BAZ1A: variants seen among roughly 807,000 people sequenced by gnomAD.
The protein encoded by BAZ1A is bromodomain adjacent to zinc finger domain protein 1A.
In BAZ1A, 50 loss-of-function variants were observed where a neutral mutation model predicts 185.2. The observed-to-expected ratio is 0.27, with a 90% CI of 0.22 to 0.34. BAZ1A has a LOEUF of 0.34. Among genes scored for constraint, BAZ1A ranks in the 10% least tolerant of loss-of-function variants. The probability of loss-of-function intolerance (pLI) is 1.00; values close to 1 mark genes in which losing one functional copy is unlikely to be tolerated. For missense variants in BAZ1A, 1,356 were observed against 1,839.9 expected, an observed-to-expected ratio of 0.74 and a Z score of 4.81; for synonymous variants, 571 against 615.6, an observed-to-expected ratio of 0.93 and a Z score of 1.07.
intron 2 of BAZ1A, among the ~76,000 whole-genome samples, chr14:34,866,783 A>G (rs1036388274): frequency 2.0e-5 from 3 of 152,088 alleles, no homozygotes; most frequent in Non-Finnish European, 4.4e-5. Context: ...CTTATACTTT[A>G]GTCTGTAAGC....
intron 3 of BAZ1A, among the ~76,000 whole-genome samples, chr14:34,832,288 G>A (rs972082501): frequency 2.0e-5 from 3 of 148,152 alleles, no homozygotes; most frequent in African/African-American, 7.4e-5. Flanking sequence ...CTTCACTGGG[G>A]AATTCTATTC....
intron 9 of BAZ1A, among the ~76,000 whole-genome samples, chr14:34,799,408 G>T (rs1477405485): frequency 2.0e-5 from 3 of 152,018 alleles, no homozygotes; most frequent in African/African-American, 7.2e-5. Flanking sequence ...CAAGGGAGAC[G>T]ATAGACAACT....
chr14:34,863,737 T>C (rs1454963255), intron 2 of BAZ1A, among the ~76,000 whole-genome samples: 1 of 152,202 alleles, frequency 6.6e-6, no homozygotes, highest in Admixed American at 6.5e-5. Context: ...CAAAAATGTA[T>C]GTACTTATAT....
At chr14:34,825,983 A>G in intron 4 of BAZ1A, 30 bp downstream of exon 4, 1 of 1,503,050 alleles carries the variant, frequency 6.7e-7, no homozygotes, top group Non-Finnish European at 8.9e-7. Context: ...AATCTGCCAA[A>G]TAATTTAAAA....
chr14:34,757,523 G>A (rs1421563928), intron 25 of BAZ1A, among the ~76,000 whole-genome samples: 2 of 151,552 alleles, frequency 1.3e-5, no homozygotes, highest in African/African-American at 4.8e-5. Flanking sequence ...AAATTAGCCA[G>A]GTGTGGTGGC....
At chr14:34,865,864 T>C (rs2042849857) in intron 2 of BAZ1A, among the ~76,000 whole-genome samples, 2 of 152,260 alleles carry the variant, frequency 1.3e-5, no homozygotes, top group South Asian at 2.1e-4. Context: ...AAAATACTAT[T>C]AGAACTTTTT....
At chr14:34,759,184 T>TTTGTTTTGTTTTG (rs1555336961) in intron 24 of BAZ1A, among the ~76,000 whole-genome samples, 1 of 108,028 alleles carries the variant, frequency 9.3e-6, no homozygotes, top group South Asian at 3.7e-4. Context: ...TTTTTTTTTT[T>TTTGTTTTGTTTTG]TTTTTTTTTT....
intron 3 of BAZ1A, among the ~76,000 whole-genome samples, chr14:34,833,529 C>T (rs2042284053): frequency 6.6e-6 from 1 of 151,674 alleles, no homozygotes. Flanking sequence ...CTCCATCTCA[C>T]AAAACAAAAC....
At chr14:34,853,974 A>C (rs1488824901) in intron 3 of BAZ1A, among the ~76,000 whole-genome samples, 1 of 152,268 alleles carries the variant, frequency 6.6e-6, no homozygotes, top group African/African-American at 2.4e-5. Context: ...TAACTTGCCA[A>C]AAAGTTATAC....
At chr14:34,784,907 A>C (rs1880334179) in intron 14 of BAZ1A, among the ~76,000 whole-genome samples, 1 of 152,026 alleles carries the variant, frequency 6.6e-6, no homozygotes, top group Non-Finnish European at 1.5e-5. Flanking sequence ...CCCAGGCTGG[A>C]GTACAGTGGC....
intron 2 of BAZ1A, among the ~76,000 whole-genome samples, chr14:34,869,110 G>A (rs2042911779): frequency 6.6e-6 from 1 of 151,880 alleles, no homozygotes; most frequent in South Asian, 2.1e-4. Context: ...GGGAGGCTGA[G>A]GCAGGAGAAT....
Position 34,761,768 on chromosome 14 carries a change from CTT to C in BAZ1A, c.4230_4231del (p.Arg1411ThrfsTer23). On this transcript the variant is annotated frameshift_variant, in exon 24 of 27. Transcript: ENST00000360310. LOFTEE classifies it high-confidence loss of function. ...AGATTTCTTCATACCTGGAGATTGT[CTT>C]TTTCTGCATCTTCTTTTGGATTCAC... 5.0e-6 allele frequency: 8 copies of C among 1,611,012 alleles called. No individual in the cohort carries two copies. Among genetic ancestry groups the C allele is most frequent in the Non-Finnish European group, 6.8e-6 (8 of 1,177,842 alleles).
At chr14:34,779,932 C>A (rs1879927570) in intron 17 of BAZ1A, among the ~76,000 whole-genome samples, 1 of 152,100 alleles carries the variant, frequency 6.6e-6, no homozygotes, top group South Asian at 2.1e-4. Context: ...CTATTAACGA[C>A]ATAGGAATAT....
At chr14:34,759,338 G>A (rs917755576) in intron 24 of BAZ1A, among the ~76,000 whole-genome samples, 8 of 151,438 alleles carry the variant, frequency 5.3e-5, no homozygotes, top group African/African-American at 1.5e-4. Flanking sequence ...CCGCCACGGC[G>A]CCCGGCTAAT....
chr14:34,778,399 T>C (rs936230223), intron 17 of BAZ1A, among the ~76,000 whole-genome samples: 3 of 152,270 alleles, frequency 2.0e-5, no homozygotes, highest in Non-Finnish European at 4.4e-5. Context: ...TTTCAGTTAC[T>C]GTCAAATTGC....
At chr14:34,814,575 C>A (rs751030875) in intron 4 of BAZ1A, among the ~76,000 whole-genome samples, 5 of 151,798 alleles carry the variant, frequency 3.3e-5, no homozygotes, top group Non-Finnish European at 7.4e-5. Context: ...CTCAAGTGAT[C>A]CTCCTATCTC....
At chr14:34,850,402 T>C (rs2042579303) in intron 3 of BAZ1A, among the ~76,000 whole-genome samples, 2 of 152,006 alleles carry the variant, frequency 1.3e-5, no homozygotes, top group Admixed American at 6.6e-5. Flanking sequence ...AAACAAAAAG[T>C]TCAAAGAGGA....
chr14:34,837,710 A>G (rs1333361797), intron 3 of BAZ1A, among the ~76,000 whole-genome samples: 9 of 152,224 alleles, frequency 5.9e-5, no homozygotes, highest in Admixed American at 5.9e-4. Flanking sequence ...GAATCAACCA[A>G]ATTAATTAAA....
intron 25 of BAZ1A, among the ~76,000 whole-genome samples, chr14:34,756,423 T>C (rs1329448283): frequency 6.7e-6 from 1 of 149,268 alleles, no homozygotes; most frequent in African/African-American, 2.5e-5. Context: ...CCCTAAACTG[T>C]TGAGATTACA....
Sources: allele counts gnomAD v4.1 joint callset (sites outside exome capture counted in the v4.1 genomes callset), GRCh38; gene constraint gnomAD v4.1.1; transcripts MANE v1.5; gene names NCBI Gene and HGNC (gene_info 2026-07-23, HGNC 2026-07-21).